Variants in DLG2 observed in about 807,000 individuals in gnomAD.
The protein encoded by DLG2 is disks large homolog 2.
In DLG2, 45 loss-of-function variants were observed where a neutral mutation model predicts 132.5. That is an observed-to-expected ratio of 0.34 (90% CI 0.27 to 0.44). The LOEUF (loss-of-function observed/expected upper bound fraction) is 0.44. DLG2 is among the 20% of genes least tolerant of loss of function. The pLI is 1.00. For missense variants in DLG2, 1,045 were observed against 1,196.9 expected, an observed-to-expected ratio of 0.87 and a Z score of 1.87; for synonymous variants, 424 against 419.6, an observed-to-expected ratio of 1.01 and a Z score of -0.13.
At chr11:84,408,979 A>G (rs1191962562) in intron 7 of DLG2, among the ~76,000 whole-genome samples, 2 of 152,182 alleles carry the variant, frequency 1.3e-5, no homozygotes, top group Non-Finnish European at 2.9e-5. Context: ...TAATCTGATC[A>G]CATCACTCTA....
chr11:84,494,465 C>T (rs1040716241), intron 7 of DLG2, among the ~76,000 whole-genome samples: 2 of 152,132 alleles, frequency 1.3e-5, no homozygotes, highest in African/African-American at 2.4e-5. Flanking sequence ...AGACCCAGGG[C>T]CTTGGGCCAC....
chr11:84,443,256 A>G (rs1239035145), intron 7 of DLG2, among the ~76,000 whole-genome samples: 2 of 152,174 alleles, frequency 1.3e-5, no homozygotes, highest in East Asian at 1.9e-4. Context: ...GATTTAATAA[A>G]TGTTAATATT....
chr11:84,485,802 T>A (rs1412109237), intron 7 of DLG2, among the ~76,000 whole-genome samples: 2 of 152,150 alleles, frequency 1.3e-5, no homozygotes, highest in African/African-American at 4.8e-5. Flanking sequence ...GTTAATCTGG[T>A]TAGGTTAGGT....
intron 6 of DLG2, among the ~76,000 whole-genome samples, chr11:84,536,386 T>C (rs560625553): frequency 6.6e-6 from 1 of 151,858 alleles, no homozygotes; most frequent in Non-Finnish European, 1.5e-5. Context: ...GAAGTCCAAG[T>C]CTGAAAACTG....
chr11:84,808,670 A>G (rs1209872054), intron 6 of DLG2, among the ~76,000 whole-genome samples: 3 of 152,132 alleles, frequency 2.0e-5, no homozygotes, highest in South Asian at 4.1e-4. Flanking sequence ...TGAGTACTAC[A>G]AACAGTTCTA....
chr11:85,491,893 C>T (rs11234352), intron 3 of DLG2, among the ~76,000 whole-genome samples: 11 of 151,884 alleles, frequency 7.2e-5, no homozygotes, highest in African/African-American at 2.4e-4. Flanking sequence ...ATAAAAAAAT[C>T]GTAAAATTCG....
chr11:84,958,593 C>T (rs1381758329), intron 6 of DLG2, among the ~76,000 whole-genome samples: 1 of 152,110 alleles, frequency 6.6e-6, no homozygotes. Context: ...GCTCAGTATA[C>T]AGCCAGAAAG....
chr11:84,382,542 C>T (rs1266782486), intron 7 of DLG2, among the ~76,000 whole-genome samples: 1 of 152,138 alleles, frequency 6.6e-6, no homozygotes, highest in Admixed American at 6.5e-5. Context: ...TTTGTCTACT[C>T]ATTCAAGGTA....
At chr11:83,967,758 T>G (rs1290284888) in intron 12 of DLG2, among the ~76,000 whole-genome samples, 1 of 152,174 alleles carries the variant, frequency 6.6e-6, no homozygotes, top group African/African-American at 2.4e-5. Context: ...TTTTGTAGCC[T>G]GAGCTTTTAA....
At chr11:85,291,046 G>T (rs966201970) in intron 3 of DLG2, among the ~76,000 whole-genome samples, 3 of 152,030 alleles carry the variant, frequency 2.0e-5, no homozygotes, top group Non-Finnish European at 4.4e-5. Context: ...TCCTCTTTGA[G>T]ATATACCTTC....
At chr11:85,137,658 T>A (rs2076214530) in intron 5 of DLG2, among the ~76,000 whole-genome samples, 1 of 152,158 alleles carries the variant, frequency 6.6e-6, no homozygotes, top group Non-Finnish European at 1.5e-5. Context: ...ATAAGGGCCT[T>A]GGGAATAACC....
chr11:83,532,421 A>C (rs2095776249), intron 21 of DLG2, among the ~76,000 whole-genome samples: 1 of 152,114 alleles, frequency 6.6e-6, no homozygotes, highest in African/African-American at 2.4e-5. Context: ...TAAAGAAACA[A>C]AAACCACCTA....
At chr11:83,665,969 C>T (rs1488029637) in intron 18 of DLG2, among the ~76,000 whole-genome samples, 9 of 152,084 alleles carry the variant, frequency 5.9e-5, no homozygotes, top group Non-Finnish European at 1.2e-4. Flanking sequence ...CTCAGGCCCC[C>T]TCCAACTTGA....
chr11:84,789,459 G>A lies in DLG2; in HGVS notation c.358-254728C>T, dbSNP rs199962737. Among the ~76,000 whole-genome samples, 18 of 151,776 alleles carry A rather than the reference G, an allele frequency of 1.2e-4. No homozygotes were observed. The East Asian group carries it at 3.3e-3, about 28-fold the overall frequency. On this transcript the variant is annotated intron_variant, in intron 6 of 27. Coordinates refer to ENST00000376104, the MANE Select transcript of DLG2 (RefSeq NM_001142699.3). Reference sequence around the variant, plus strand: ...ATATAGTAGGCACATATATTTATGGGGTACATGAGATACTTTAATGTAGTT... The same window carrying A: ...ATATAGTAGGCACATATATTTATGGAGTACATGAGATACTTTAATGTAGTT...
intron 6 of DLG2, among the ~76,000 whole-genome samples, chr11:85,000,241 T>TTTGCTACA (rs1171538706): frequency 6.6e-6 from 1 of 152,134 alleles, no homozygotes; most frequent in Non-Finnish European, 1.5e-5. Context: ...CCAAAATATG[T>TTTGCTACA]TTGCTACATT....
intron 4 of DLG2, among the ~76,000 whole-genome samples, chr11:85,270,384 G>A (rs944788376): frequency 6.6e-6 from 1 of 152,172 alleles, no homozygotes; most frequent in Non-Finnish European, 1.5e-5. Context: ...ATGGAACTGT[G>A]AGTCCATTAA....
At chr11:85,458,692 T>C (rs145380588) in intron 3 of DLG2, among the ~76,000 whole-genome samples, 62 of 152,326 alleles carry the variant, frequency 4.1e-4, no homozygotes, top group African/African-American at 1.4e-3. Context: ...TAGTAAAGTA[T>C]TTTTGGTATT....
intron 7 of DLG2, among the ~76,000 whole-genome samples, chr11:84,472,655 A>AT (rs2099111401): frequency 6.6e-6 from 1 of 151,970 alleles, no homozygotes; most frequent in African/African-American, 2.4e-5. Context: ...TTCATACTTA[A>AT]GCCCATCTCA....
chr11:83,929,734 T>C (rs2079786568), intron 15 of DLG2, among the ~76,000 whole-genome samples: 1 of 152,172 alleles, frequency 6.6e-6, no homozygotes, highest in African/African-American at 2.4e-5. Context: ...AGAGAATATA[T>C]ATATATGTAC....
Sources: allele counts gnomAD v4.1 joint callset (sites outside exome capture counted in the v4.1 genomes callset), GRCh38; gene constraint gnomAD v4.1.1; transcripts MANE v1.5; gene names NCBI Gene and HGNC (gene_info 2026-07-23, HGNC 2026-07-21).